Variants in SYNE2 observed in about 807,000 individuals in gnomAD.
SYNE2 encodes the protein nesprin-2.
Under a neutral mutation model 856.3 loss-of-function variants are expected in SYNE2, and 431 were observed. The observed-to-expected ratio is 0.50, with a 90% CI of 0.47 to 0.55. SYNE2 has a LOEUF of 0.55. Ranked by LOEUF, SYNE2 falls within the 20% of genes least tolerant of loss-of-function variation. The pLI, the probability that SYNE2 is intolerant of heterozygous loss-of-function variation, is 0.00. For synonymous variants in SYNE2, 2,923 were observed against 2,872.3 expected (o/e 1.02, Z -0.56); for missense variants, 8,129 against 8,023.2 (o/e 1.01, Z -0.50).
At chr14:63,787,535 G>T (rs911277093) in intron 1 of SYNE2, among the ~76,000 whole-genome samples, 1 of 152,188 alleles carries the variant, frequency 6.6e-6, no homozygotes, top group Non-Finnish European at 1.5e-5. Context: ...ACAAGTGGAC[G>T]ATGAGCAAGA....
At chr14:63,840,374 T>C (rs1253851903) in intron 1 of SYNE2, among the ~76,000 whole-genome samples, 1 of 151,954 alleles carries the variant, frequency 6.6e-6, no homozygotes, top group Non-Finnish European at 1.5e-5. Flanking sequence ...GGAACCCAGT[T>C]TTTTGTATTT....
chr14:64,219,104 G>GTTTTTTGTTT lies in SYNE2; in HGVS notation c.19658-98_19658-97insGTTTTTTTTT, dbSNP rs1555556019. ...CAGGGGAATCCCCTACAGTTTTTTT[G>GTTTTTTGTTT]TTTTTTTTTTTTTTTTTTTTAACCA... is the stretch of plus-strand genomic sequence containing the variant. On this transcript the variant is annotated intron_variant, in intron 109 of 115. Transcript: ENST00000555002. 55 of 409,046 alleles carry GTTTTTTGTTT rather than the reference G, an allele frequency of 1.3e-4. No individual in the cohort carries two copies. In the East Asian group the frequency reaches 2.8e-3, roughly 21 times the overall value. 25.3% of individuals were successfully genotyped at this position (409,046 alleles called of 1,614,324 possible).
At chr14:63,780,313 G>C (rs749873516) in intron 1 of SYNE2, among the ~76,000 whole-genome samples, 104 of 151,906 alleles carry the variant, frequency 6.8e-4, no homozygotes, top group Admixed American at 1.8e-3. Context: ...GCGGGCAGAC[G>C]ATTTGAGGTC....
Position 64,031,088 on chromosome 14 carries a change from C to A in SYNE2, c.6952C>A (p.Gln2318Lys). The change falls in exon 45 of 116, where the codon CAA (glutamine) becomes AAA (lysine). Residue 2318 changes from glutamine to lysine, a missense_variant. Gln to Lys is a moderately conservative substitution (Grantham distance 53). Around this residue, in one of 3 missense-constraint regions of SYNE2, gnomAD observed 297 missense variants for 380.9 expected, o/e 0.78. Coordinates refer to ENST00000555002, the MANE Select transcript of SYNE2 (RefSeq NM_182914.3). ...TTTAGCTTTAGCAAAATCCGTCAAGCAAAATACATCTTCAGTGGGGCAGAA... is the reference window on the plus strand; with the variant it reads ...TTTAGCTTTAGCAAAATCCGTCAAGAAAAATACATCTTCAGTGGGGCAGAA... Reference protein sequence around the residue: ...KILALAKSVKQNTSSVGQKII... With the variant: ...KILALAKSVKKNTSSVGQKII... The A allele has an allele frequency of 1.2e-6, 2 of 1,613,994 alleles. No homozygotes were observed. Among genetic ancestry groups the A allele is most frequent in the South Asian group, 2.2e-5 (2 of 91,026 alleles).
At chr14:64,153,132 G>A (rs4329843) in intron 85 of SYNE2, among the ~76,000 whole-genome samples, 47,465 of 152,050 alleles carry the variant, frequency 0.31, 7,597 homozygotes, top group East Asian at 0.52. Flanking sequence ...TATGAGCTAG[G>A]AGCATAGTCA....
intron 78 of SYNE2, 21 bp from the exon 79 acceptor site, chr14:64,137,766 T>C (rs1159704335): frequency 4.3e-6 from 7 of 1,613,360 alleles, no homozygotes; most frequent in Non-Finnish European, 5.1e-6. Context: ...TAATTCATTC[T>C]ATGACTTTAC....
rs779728287 is a variant in SYNE2, at chr14:64,162,194, C to T, written c.16217C>T (p.Ala5406Val). The part of the protein sequence containing the change: ...EAAARLKQQE[A>V]KFQQLANISM... ...GCCGCAAGGCTGAAGCAGCAGGAAGCAAAGTTTCAACAGCTCGCAAACATC... is the reference window on the plus strand; with the variant it reads ...GCCGCAAGGCTGAAGCAGCAGGAAGTAAAGTTTCAACAGCTCGCAAACATC... Residue 5406 changes from alanine (A) to valine (V), a missense_variant, in exon 88 of 116, where the codon GCA becomes GTA. Ala to Val is a moderately conservative substitution (Grantham distance 64). This residue lies in a region of SYNE2 where 5,410 missense variants were observed against 5,284.8 expected (regional missense o/e 1.02). Coordinates refer to ENST00000555002, the MANE Select transcript of SYNE2 (RefSeq NM_182914.3). 3 of 1,614,228 alleles carry T rather than the reference C, an allele frequency of 1.9e-6. No individual in the cohort carries two copies. The South Asian group carries it at 3.3e-5, about 18-fold the overall frequency.
At position 64,052,264 on chromosome 14, in the gene SYNE2, C is replaced by G. The variant is rs765459823; in HGVS notation, c.8351C>G (p.Ser2784Trp). Residue 2784 changes from serine to tryptophan, a missense_variant, in exon 48 of 116, where the codon TCG becomes TGG. Around this residue, in one of 3 missense-constraint regions of SYNE2, gnomAD observed 5,410 missense variants for 5,284.8 expected, o/e 1.02. Transcript: ENST00000555002. ...CTAGCTAGGCAGCAGTCTGTGGAAT[C>G]GTTGGCTGAAGAGGTCAAAGATAAG... is the stretch of plus-strand genomic sequence containing the variant. Reference protein sequence around the residue: ...GILARQQSVESLAEEVKDKVP... With the variant: ...GILARQQSVEWLAEEVKDKVP... 1 of 1,614,174 alleles carries G rather than the reference C, an allele frequency of 6.2e-7. No individual in the cohort carries two copies.
intron 46 of SYNE2, chr14:64,049,085 G>C (rs1411931397): frequency 6.6e-6 from 1 of 152,136 alleles, no homozygotes; most frequent in African/African-American, 2.4e-5. Context: ...TGATCTGACT[G>C]ACATTAAATG....
chr14:64,052,930 A>G lies in SYNE2; in HGVS notation c.9017A>G (p.Asp3006Gly). Residue 3006 changes from aspartate to glycine, a missense_variant, in exon 48 of 116, where the codon GAC becomes GGC. This residue lies in a region of SYNE2 where 5,410 missense variants were observed against 5,284.8 expected (regional missense o/e 1.02). Coordinates refer to ENST00000555002, the MANE Select transcript of SYNE2 (RefSeq NM_182914.3). ...GTATTGAAACTTAAAAAAGTGTTTGACTATATTGGACTAAACTGGGATTTT... is the reference window on the plus strand; with the variant it reads ...GTATTGAAACTTAAAAAAGTGTTTGGCTATATTGGACTAAACTGGGATTTT... ...LQVLKLKKVF[D>G]YIGLNWDFSQ... 6.2e-7 allele frequency: 1 copy of G among 1,612,060 alleles called. No homozygotes were observed. The highest frequency in any genetic ancestry group is 8.5e-7 in the Non-Finnish European group (1 of 1,179,550).
chr14:63,764,072 A>C (rs1343982097), intron 1 of SYNE2, among the ~76,000 whole-genome samples: 1 of 152,248 alleles, frequency 6.6e-6, no homozygotes, highest in East Asian at 1.9e-4. Flanking sequence ...ACAAATTTGT[A>C]AAATGGAATT....
intron 65 of SYNE2, among the ~76,000 whole-genome samples, chr14:64,108,603 ATTG>A (rs1403705222): frequency 6.6e-6 from 1 of 151,958 alleles, no homozygotes; most frequent in African/African-American, 2.4e-5. Context: ...TGCTGTTTTT[ATTG>A]TTTAATTATT....
At chr14:64,020,387 C>A (rs2096927639) in intron 35 of SYNE2, among the ~76,000 whole-genome samples, 1 of 152,098 alleles carries the variant, frequency 6.6e-6, no homozygotes, top group African/African-American at 2.4e-5. Flanking sequence ...ACAAGCTTGC[C>A]CTATGGCCTC....
At chr14:64,093,210 T>C in intron 60 of SYNE2, 139 bp from the exon 61 acceptor site, 3 of 952,602 alleles carry the variant, frequency 3.1e-6, no homozygotes, top group Non-Finnish European at 4.8e-6. Context: ...CTGTTTAGGC[T>C]ACCACGTCCT....
intron 11 of SYNE2, among the ~76,000 whole-genome samples, chr14:63,973,977 C>G (rs2096505643): frequency 6.6e-6 from 1 of 152,194 alleles, no homozygotes; most frequent in South Asian, 2.1e-4. Flanking sequence ...TGCCTGCAAT[C>G]CCAGCAGTTT....
chr14:63,782,467 CAAAAAAA>C (rs35413633), intron 1 of SYNE2, among the ~76,000 whole-genome samples: 1 of 49,634 alleles, frequency 2.0e-5, no homozygotes, highest in African/African-American at 8.7e-5. Flanking sequence ...AACTCCATCT[CAAAAAAA>C]AAAAAAAAAA....
In SYNE2 at chr14:64,024,981, A is replaced by C. The variant is rs778671064; in HGVS notation, c.5910A>C (p.Glu1970Asp). ...AAGAAGAGAAATGGAAAGGAATGGA[A>C]GAACCAGGGGAGAAAACTGAGCTGT... ...TNQEEKWKGM[E>D]EPGEKTELFC... Residue 1970 changes from glutamate to aspartate, a missense_variant, in exon 40 of 116, where the codon GAA becomes GAC. Transcript: ENST00000555002. The C allele has an allele frequency of 6.2e-7, 1 of 1,614,112 alleles. No homozygotes were observed. Among genetic ancestry groups the C allele is most frequent in the Non-Finnish European group, 8.5e-7 (1 of 1,179,966 alleles).
At chr14:64,181,659 A>G (rs2098458755) in intron 96 of SYNE2, among the ~76,000 whole-genome samples, 1 of 152,186 alleles carries the variant, frequency 6.6e-6, no homozygotes, top group Non-Finnish European at 1.5e-5. Flanking sequence ...CCTGGGGGAA[A>G]TACGCTAGCC....
chr14:64,150,885 C>T (rs1283344951), intron 84 of SYNE2, among the ~76,000 whole-genome samples: 1 of 152,092 alleles, frequency 6.6e-6, no homozygotes, highest in African/African-American at 2.4e-5. Context: ...ATCTCATTGG[C>T]AAAGGCTATT....
Sources: gnomAD v4.1 joint callset for allele counts (sites outside exome capture counted in the v4.1 genomes callset) on GRCh38, gnomAD v4.1.1 for gene constraint, gnomAD v4.1.1 regional missense constraint, MANE v1.5 for transcripts, NCBI Gene and HGNC (gene_info 2026-07-23, HGNC 2026-07-21) for gene names.